Variants in COX7A2L observed in about 807,000 individuals in gnomAD.
The protein encoded by COX7A2L is cytochrome c oxidase subunit 7A2 like, also known as cytochrome c oxidase subunit 7A2-like, mitochondrial.
COX7A2L carries 18 observed loss-of-function variants against 14.2 expected under a neutral mutation model. The ratio of observed to expected loss-of-function variants is 1.27; its 90% CI spans 0.88 to 1.88. The LOEUF (loss-of-function observed/expected upper bound fraction) is 1.88, where lower values mean the gene tolerates loss of function less well. Among genes scored for constraint, COX7A2L ranks in the 40% most tolerant of loss-of-function variants. The pLI is 0.00. For synonymous variants in COX7A2L, 65 were observed against 57.4 expected (o/e 1.13, Z -0.60); for missense variants, 179 against 138.8 (o/e 1.29, Z -1.46).
At chr2:42,360,976 G>C (rs1207307623) in intron 1 of COX7A2L, 114 bp downstream of exon 1, 2 of 1,093,270 alleles carry the variant, frequency 1.8e-6, no homozygotes, top group Non-Finnish European at 2.7e-6. Flanking sequence ...AAGGAGAACA[G>C]AGACGAACTC....
chr2:42,351,150 A>T lies in COX7A2L; in HGVS notation c.*69T>A. ...CCATCCAAGTAAAAAAAAAAATTTT[A>T]ATTTAACAATGAAAAAGGAACTTCA... On this transcript the variant is annotated 3_prime_UTR_variant, in exon 3 of 3. Coordinates refer to ENST00000234301, the MANE Select transcript of COX7A2L (RefSeq NM_004718.4). 6.7e-7 allele frequency: 1 copy of T among 1,482,110 alleles called. No individual in the cohort carries two copies. Among genetic ancestry groups the T allele is most frequent in the Non-Finnish European group, 9.0e-7 (1 of 1,108,330 alleles). The allele number at this position is 1,482,110 out of a possible 1,614,324, so 91.8% of individuals were successfully genotyped here.
At chr2:42,362,313 A>G (rs1253118767), upstream of COX7A2L, among the ~76,000 whole-genome samples, 1 of 152,220 alleles carries the variant, frequency 6.6e-6, no homozygotes, top group Non-Finnish European at 1.5e-5. Flanking sequence ...GGCTTTTCTT[A>G]GCTTCATCAT....
chr2:42,358,712 A>T (rs547348995), intron 1 of COX7A2L, among the ~76,000 whole-genome samples: 1 of 152,258 alleles, frequency 6.6e-6, no homozygotes, highest in Non-Finnish European at 1.5e-5. Flanking sequence ...AGCCCTATCT[A>T]TATCAAACTC....
At chr2:42,353,017 C>A in intron 2 of COX7A2L, 195 bp downstream of exon 2, 1 of 645,416 alleles carries the variant, frequency 1.5e-6, no homozygotes, top group South Asian at 2.2e-5. Flanking sequence ...GGAAATTAAC[C>A]ACCCTCCCCT....
intron 2 of COX7A2L, among the ~76,000 whole-genome samples, chr2:42,343,577 G>A (rs1316621339): frequency 6.6e-6 from 1 of 152,164 alleles, no homozygotes; most frequent in East Asian, 1.9e-4. Flanking sequence ...GTACTAAATA[G>A]TGACCCAGCC....
At chr2:42,340,611 C>A (rs1438155907) in intron 2 of COX7A2L, among the ~76,000 whole-genome samples, 3 of 152,090 alleles carry the variant, frequency 2.0e-5, no homozygotes, top group Non-Finnish European at 4.4e-5. Context: ...TTCTCCCCGA[C>A]CCCCCAGGCG....
At chr2:42,359,952 C>T (rs1670966795) in intron 1 of COX7A2L, 1 of 152,136 alleles carries the variant, frequency 6.6e-6, no homozygotes, top group East Asian at 1.9e-4. Context: ...TCTCAAACTC[C>T]TGGGCTCAAG....
chr2:42,366,441 G>C (rs1009948979), intron 1 of COX7A2L, among the ~76,000 whole-genome samples: 2 of 152,202 alleles, frequency 1.3e-5, no homozygotes, highest in Middle Eastern at 3.4e-3. Flanking sequence ...CAAAAACATA[G>C]GGTGCTCTGC....
intron 2 of COX7A2L, among the ~76,000 whole-genome samples, chr2:42,341,524 G>A (rs1400944153): frequency 6.6e-6 from 1 of 152,136 alleles, no homozygotes; most frequent in African/African-American, 2.4e-5. Flanking sequence ...AGCCAGCAGT[G>A]CTCCCCCAGC....
chr2:42,346,973 G>A (rs555408566), downstream of COX7A2L, among the ~76,000 whole-genome samples: 4 of 152,052 alleles, frequency 2.6e-5, no homozygotes, highest in East Asian at 7.7e-4. Context: ...ATGCAGTGGC[G>A]CAATCTCAGC....
At chr2:42,352,593 T>C (rs987298678) in intron 2 of COX7A2L, among the ~76,000 whole-genome samples, 1 of 152,240 alleles carries the variant, frequency 6.6e-6, no homozygotes, top group African/African-American at 2.4e-5. Context: ...GGTCTGGATC[T>C]GGACTACTTT....
chr2:42,363,391 G>C (rs1472309568), upstream of COX7A2L, among the ~76,000 whole-genome samples: 2 of 152,148 alleles, frequency 1.3e-5, no homozygotes, highest in African/African-American at 2.4e-5. Flanking sequence ...CTGACTTCTG[G>C]ACATATTTTG....
chr2:42,336,384 C>T (rs528674906), intron 2 of COX7A2L, among the ~76,000 whole-genome samples: 1 of 152,278 alleles, frequency 6.6e-6, no homozygotes, highest in East Asian at 1.9e-4. Flanking sequence ...ATTCCAGAGG[C>T]CGACATCAAC....
chr2:42,341,289 C>A (rs1056452115), intron 2 of COX7A2L, among the ~76,000 whole-genome samples: 1 of 152,102 alleles, frequency 6.6e-6, no homozygotes, highest in African/African-American at 2.4e-5. Flanking sequence ...GCAAGGCCAC[C>A]CACACCTAAG....
upstream of COX7A2L, chr2:42,361,242 C>T (rs990649662): frequency 5.2e-6 from 7 of 1,340,114 alleles, no homozygotes; most frequent in Admixed American, 6.7e-5. Context: ...GCTGTGGTCC[C>T]GAGACTCAGC....
chr2:42,351,037 G>A lies in COX7A2L; in HGVS notation c.*182C>T, dbSNP rs1670624313. The A allele has an allele frequency of 1.7e-6, 1 of 595,902 alleles. No homozygotes were observed. The highest frequency in any genetic ancestry group is 1.9e-5 in the African/African-American group (1 of 53,274). The allele number at this position is 595,902 out of a possible 1,614,324, so 36.9% of individuals were successfully genotyped here. ...TCTTTAAACAATGGCTTTAACTGTC[G>A]AATGAGCTCTGACAAGCCATATGCA... On this transcript the variant is annotated 3_prime_UTR_variant, in exon 3 of 3. Coordinates refer to ENST00000234301, the MANE Select transcript of COX7A2L (RefSeq NM_004718.4).
Position 42,361,157 on chromosome 2 carries a change from T to A in COX7A2L, c.5A>T (p.Tyr2Phe). 1 of 1,612,446 alleles carries A rather than the reference T, an allele frequency of 6.2e-7. No individual in the cohort carries two copies. The highest frequency in any genetic ancestry group is 8.5e-7 in the Non-Finnish European group (1 of 1,179,068). ...CTGCGTGAAGCCACTAAACTTGTAG[T>A]ACATGACGCCCAGAGTCCGGCTTCC... The part of the protein sequence containing the change: M[Y>F]YKFSGFTQKL... Residue 2 changes from tyrosine to phenylalanine, a missense_variant, in exon 1 of 3, where the codon TAC (tyrosine) becomes TTC (phenylalanine). Tyr to Phe is a conservative substitution (Grantham distance 22). Transcript: ENST00000234301.
Position 42,339,302 on chromosome 2 carries a change from A to G in COX7A2L, c.193-5433T>C, listed in dbSNP as rs774215241. On this transcript the variant is annotated intron_variant, in intron 2 of 2. Transcript: ENST00000468711. The surrounding 1 kb of genome is among the most constrained non-coding windows in gnomAD (Gnocchi z 5.4). The stretch of plus-strand genomic sequence containing the variant: ...AGGAGCTGAGGGGTTTCTCGGGCAC[A>G]GGATCCCCCCAGCGGCTCTTGCTCC... Among the ~76,000 whole-genome samples, 3 of 152,202 alleles carry G rather than the reference A, an allele frequency of 2.0e-5. No homozygotes were observed. The highest frequency in any genetic ancestry group is 4.4e-5 in the Non-Finnish European group (3 of 68,024).
At chr2:42,361,066 G>A (rs373291536) in intron 1 of COX7A2L, 24 bp downstream of exon 1, 3 of 1,611,764 alleles carry the variant, frequency 1.9e-6, no homozygotes, top group African/African-American at 1.3e-5. Flanking sequence ...TCTCATGTCC[G>A]AGCTGGCCAG....
Sources: gnomAD v4.1 joint callset for allele counts (sites outside exome capture counted in the v4.1 genomes callset) on GRCh38, gnomAD v4.1.1 for gene constraint, Gnocchi (gnomAD v3.1) non-coding constraint, MANE v1.5 for transcripts, NCBI Gene and HGNC (gene_info 2026-07-23, HGNC 2026-07-21) for gene names.